Variants in PAN3 observed in about 807,000 individuals in gnomAD.
PAN3 encodes PAN2-PAN3 deadenylation complex subunit PAN3.
Under a neutral mutation model 96.2 loss-of-function variants are expected in PAN3, and 19 were observed. The ratio of observed to expected loss-of-function variants is 0.20; its 90% CI spans 0.14 to 0.29. PAN3 has a LOEUF of 0.29. Ranked by LOEUF, PAN3 falls within the 10% of genes least tolerant of loss-of-function variation. The pLI is 1.00. For missense variants in PAN3, 882 were observed against 1,108.1 expected, an observed-to-expected ratio of 0.80 and a Z score of 2.90; for synonymous variants, 433 against 406.6, an observed-to-expected ratio of 1.06 and a Z score of -0.78.
At chr13:28,278,505 C>G (rs1033968378) in intron 15 of PAN3, among the ~76,000 whole-genome samples, 1 of 151,890 alleles carries the variant, frequency 6.6e-6, no homozygotes, top group South Asian at 2.1e-4. Context: ...ATTATTGAAA[C>G]TGGGTGATGA....
intron 4 of PAN3, among the ~76,000 whole-genome samples, chr13:28,194,468 T>TATATATA (rs1298627227): frequency 2.6e-4 from 24 of 91,362 alleles, no homozygotes; most frequent in African/African-American, 9.0e-4. Context: ...ATATATATAT[T>TATATATA]TTTTTTTTTT....
intron 5 of PAN3, 132 bp from the exon 6 acceptor site, chr13:28,220,099 C>G: frequency 2.3e-6 from 2 of 877,190 alleles, no homozygotes; most frequent in Admixed American, 2.9e-5. Flanking sequence ...AATATGGAAC[C>G]GAAAACACTT....
At position 28,235,207 on chromosome 13, in the gene PAN3, T is replaced by C. The variant is rs577722459; in HGVS notation, c.1000+14829T>C. On this transcript the variant is annotated intron_variant, in intron 6 of 18. Transcript: ENST00000380958. ...TTCCTTCCATGGCTGGTTCCTTCTC[T>C]TCTTCTTAGGTCCCTGCTAAAGTGT... is the stretch of plus-strand genomic sequence containing the variant. 2.0e-5 allele frequency among the ~76,000 whole-genome samples: 3 copies of C among 152,318 alleles called. No homozygotes were observed. In the South Asian group the frequency reaches 6.2e-4, roughly 32 times the overall value.
intron 15 of PAN3, among the ~76,000 whole-genome samples, chr13:28,279,443 C>G (rs1486467514): frequency 1.3e-5 from 2 of 152,080 alleles, no homozygotes; most frequent in Non-Finnish European, 2.9e-5. Flanking sequence ...CCTTTTAGTC[C>G]TCTCAAAAAA....
intron 4 of PAN3, among the ~76,000 whole-genome samples, chr13:28,193,052 A>G (rs2138204744): frequency 6.6e-6 from 1 of 152,304 alleles, no homozygotes; most frequent in Admixed American, 6.5e-5. Flanking sequence ...CACACATAAA[A>G]TACACCAACA....
At chr13:28,263,950 C>T (rs893916741) in intron 9 of PAN3, among the ~76,000 whole-genome samples, 48 of 152,084 alleles carry the variant, frequency 3.2e-4, no homozygotes, top group Non-Finnish European at 6.6e-4. Flanking sequence ...AAACAAACAC[C>T]GCCCTATGTT....
intron 14 of PAN3, among the ~76,000 whole-genome samples, chr13:28,274,987 G>C (rs1411443736): frequency 2.0e-5 from 3 of 152,002 alleles, no homozygotes; most frequent in Non-Finnish European, 4.4e-5. Flanking sequence ...GATAGAATCA[G>C]AAAAAGAAAT....
At position 28,241,069 on chromosome 13, in the gene PAN3, T is replaced by A. The variant is rs577031530; in HGVS notation, c.1001-15223T>A. Among the ~76,000 whole-genome samples, 162 of 152,304 alleles carry A rather than the reference T, an allele frequency of 1.1e-3. 1 individual carries two copies. The highest frequency in any genetic ancestry group is 3.6e-3 in the African/African-American group (151 of 41,568). On this transcript the variant is annotated intron_variant, in intron 6 of 18. Coordinates refer to ENST00000380958, the MANE Select transcript of PAN3 (RefSeq NM_175854.8). ...TTGAGTCCAGAGTTCAAGACCAGCC[T>A]GGGCAACATGTTGAGACCCTGTCTC...
intron 9 of PAN3, among the ~76,000 whole-genome samples, chr13:28,265,259 G>A (rs1259117675): frequency 1.3e-5 from 2 of 152,150 alleles, no homozygotes; most frequent in Non-Finnish European, 2.9e-5. Flanking sequence ...AAGAGATGAG[G>A]TCTTAAATGT....
chr13:28,254,060 A>G (rs780499526), intron 6 of PAN3, among the ~76,000 whole-genome samples: 83 of 152,146 alleles, frequency 5.5e-4, no homozygotes, highest in Non-Finnish European at 4.6e-4. Context: ...AGCCAATGCT[A>G]CACATAGCCC....
chr13:28,216,008 A>G, intron 5 of PAN3: 1 of 647,212 alleles, frequency 1.5e-6, no homozygotes, highest in East Asian at 2.6e-5. Flanking sequence ...CTGGTTAAAG[A>G]TAACAATGCA....
At chr13:28,243,935 C>T (rs2138516125) in intron 6 of PAN3, among the ~76,000 whole-genome samples, 1 of 152,286 alleles carries the variant, frequency 6.6e-6, no homozygotes, top group East Asian at 1.9e-4. Context: ...ATCCACCTTC[C>T]TCGGCCTCCC....
At chr13:28,142,991 CTT>C (rs749997665) in intron 1 of PAN3, among the ~76,000 whole-genome samples, 1 of 152,246 alleles carries the variant, frequency 6.6e-6, no homozygotes, top group Non-Finnish European at 1.5e-5. Flanking sequence ...CATGAGAAAA[CTT>C]TATCTTTATT....
chr13:28,236,599 G>T (rs1883138374), intron 6 of PAN3, among the ~76,000 whole-genome samples: 1 of 152,212 alleles, frequency 6.6e-6, no homozygotes, highest in Non-Finnish European at 1.5e-5. Flanking sequence ...AAAATGGGCA[G>T]TTGAGAGTCA....
At chr13:28,155,589 G>GA (rs1566142168) in intron 1 of PAN3, among the ~76,000 whole-genome samples, 1 of 151,244 alleles carries the variant, frequency 6.6e-6, no homozygotes, top group Non-Finnish European at 1.5e-5. Flanking sequence ...ACTCCATCTC[G>GA]AAAAAAAATA....
intron 6 of PAN3, among the ~76,000 whole-genome samples, chr13:28,244,781 ATTC>A (rs1464152276): frequency 2.0e-5 from 3 of 151,226 alleles, no homozygotes; most frequent in Non-Finnish European, 4.4e-5. Context: ...TTTTCTGGCT[ATTC>A]TTGATGCTTT....
rs143699670 is a variant in PAN3 at position 28,147,150 on chromosome 13, G to A, written c.430+8063G>A. ...AGTACTTAGTAATTAGTACTGGACC[G>A]AAATTTTAATTTTATTGCGGTTTCT... On this transcript the variant is annotated intron_variant, in intron 1 of 18. Coordinates refer to ENST00000380958, the MANE Select transcript of PAN3 (RefSeq NM_175854.8). Among the ~76,000 whole-genome samples, 78 of 152,268 alleles carry A rather than the reference G, an allele frequency of 5.1e-4. 1 individual carries two copies. Among genetic ancestry groups the A allele is most frequent in the Middle Eastern group, 3.4e-3 (1 of 294 alleles).
At chr13:28,187,027 C>T (rs1294046378) in intron 4 of PAN3, among the ~76,000 whole-genome samples, 1 of 151,990 alleles carries the variant, frequency 6.6e-6, no homozygotes, top group Admixed American at 6.6e-5. Flanking sequence ...TGGTAAGACC[C>T]GTCTTTAAAA....
At chr13:28,149,595 C>A (rs545577971) in intron 1 of PAN3, among the ~76,000 whole-genome samples, 2 of 151,832 alleles carry the variant, frequency 1.3e-5, no homozygotes, top group Non-Finnish European at 2.9e-5. Context: ...ATTTACTAGT[C>A]GATCTACATT....
Sources: gnomAD v4.1 joint callset for allele counts (sites outside exome capture counted in the v4.1 genomes callset) on GRCh38, gnomAD v4.1.1 for gene constraint, MANE v1.5 for transcripts, NCBI Gene and HGNC (gene_info 2026-07-23, HGNC 2026-07-21) for gene names.